Variants in AKAP13 observed in about 807,000 individuals in gnomAD.
The protein encoded by AKAP13 is A-kinase anchor protein 13.
Under a neutral mutation model 264.5 loss-of-function variants are expected in AKAP13, and 80 were observed. The observed-to-expected ratio is 0.30, with a 90% CI of 0.25 to 0.36. The LOEUF is 0.36. Among genes scored for constraint, AKAP13 ranks in the 10% least tolerant of loss-of-function variants. The pLI is 1.00. For synonymous variants in AKAP13, 1,380 were observed against 1,250.2 expected, an observed-to-expected ratio of 1.10 and a Z score of -2.19; for missense variants, 3,712 against 3,435.2, an observed-to-expected ratio of 1.08 and a Z score of -2.01.
intron 3 of AKAP13, among the ~76,000 whole-genome samples, chr15:85,527,193 G>C (rs1228176641): frequency 6.6e-6 from 1 of 152,244 alleles, no homozygotes; most frequent in Non-Finnish European, 1.5e-5. Flanking sequence ...TTGATCTCCT[G>C]ACCTCGTGAT....
At chr15:85,421,176 G>T (rs979655306) in intron 1 of AKAP13, among the ~76,000 whole-genome samples, 1 of 152,210 alleles carries the variant, frequency 6.6e-6, no homozygotes, top group Non-Finnish European at 1.5e-5. Flanking sequence ...TGTCAAAACA[G>T]TCCAAGGCAC....
intron 12 of AKAP13, among the ~76,000 whole-genome samples, chr15:85,664,291 G>T (rs2083484906): frequency 6.6e-6 from 1 of 152,104 alleles, no homozygotes; most frequent in African/African-American, 2.4e-5. Flanking sequence ...ATAGTGTGTA[G>T]AAAAAAATCT....
In AKAP13 at chr15:85,696,713, T is replaced by A. The variant is rs2085583798; in HGVS notation, c.5464+3262T>A. On this transcript the variant is annotated intron_variant, in intron 17 of 36. Transcript: ENST00000394518. Reference sequence around the variant, plus strand: ...AATATAAAATGCTAAATAAAATCTATTTTTTAAAAAATTAATACATAGCTG... The same window carrying A: ...AATATAAAATGCTAAATAAAATCTAATTTTTAAAAAATTAATACATAGCTG... 3.9e-5 allele frequency among the ~76,000 whole-genome samples: 6 copies of A among 152,316 alleles called. No homozygotes were observed. The South Asian group carries it at 1.2e-3, about 32-fold the overall frequency.
rs755368076 is a variant in AKAP13 at position 85,568,223 on chromosome 15, C to T, written c.663-6908C>T. On this transcript the variant is annotated intron_variant, in intron 5 of 36. Transcript: ENST00000394518. ...GCTGAAGTGGGAGGATCACTGGAGC[C>T]CCGGAGGTTGAGGCTGCAGTGAGCT... 3.3e-5 allele frequency among the ~76,000 whole-genome samples: 5 copies of T among 151,684 alleles called. No homozygotes were observed. The South Asian group carries it at 1.0e-3, about 31-fold the overall frequency.
chr15:85,446,129 G>C (rs1348635193), intron 1 of AKAP13, among the ~76,000 whole-genome samples: 1 of 152,176 alleles, frequency 6.6e-6, no homozygotes, highest in Non-Finnish European at 1.5e-5. Flanking sequence ...AGGGAGTTTG[G>C]CTTTAATGTG....
intron 16 of AKAP13, among the ~76,000 whole-genome samples, chr15:85,689,241 T>TA (rs1415830905): frequency 6.6e-6 from 1 of 152,182 alleles, no homozygotes; most frequent in Non-Finnish European, 1.5e-5. Context: ...GTGGTCTGTA[T>TA]AAAAAAGAGC....
At chr15:85,619,152 G>A (rs1405991013) in intron 8 of AKAP13, among the ~76,000 whole-genome samples, 1 of 151,994 alleles carries the variant, frequency 6.6e-6, no homozygotes, top group East Asian at 1.9e-4. Flanking sequence ...TCATAGGGGT[G>A]GGAGGAGGAG....
intron 1 of AKAP13, among the ~76,000 whole-genome samples, chr15:85,445,000 C>G (rs1446994303): frequency 6.6e-6 from 1 of 152,140 alleles, no homozygotes; most frequent in African/African-American, 2.4e-5. Flanking sequence ...TTACTGTATT[C>G]TCTTAAAGTA....
chr15:85,610,594 A>G (rs112841734), intron 8 of AKAP13, among the ~76,000 whole-genome samples: 1 of 152,240 alleles, frequency 6.6e-6, no homozygotes, highest in East Asian at 1.9e-4. Flanking sequence ...GTAATCTTAT[A>G]GCAACCATTA....
At chr15:85,428,749 C>A (rs992268791) in intron 1 of AKAP13, among the ~76,000 whole-genome samples, 1 of 152,176 alleles carries the variant, frequency 6.6e-6, no homozygotes, top group African/African-American at 2.4e-5. Flanking sequence ...GTCGGTAGTG[C>A]TGTGGGTTGT....
chr15:85,746,376 G>A lies in AKAP13; in HGVS notation c.*1699G>A, dbSNP rs1400993414. ...CTAAACTATCCAGTCAATACCGAGT[G>A]AAGTGGCAGCCAGCACTGTTCACTC... is the stretch of plus-strand genomic sequence containing the variant. On this transcript the variant is annotated 3_prime_UTR_variant, in exon 37 of 37. Transcript: ENST00000394518. 2 of 152,104 alleles carry A rather than the reference G, an allele frequency of 1.3e-5. No homozygotes were observed. The highest frequency in any genetic ancestry group is 2.9e-5 in the Non-Finnish European group (2 of 68,020). The allele number at this position is 152,104 out of a possible 1,614,324, so 9.4% of individuals were successfully genotyped here. A position where few individuals can be genotyped will look rare whatever the true frequency, so the allele number is the denominator to read the frequency against.
chr15:85,559,787 T>G (rs2151258329), intron 5 of AKAP13, among the ~76,000 whole-genome samples: 1 of 132,886 alleles, frequency 7.5e-6, no homozygotes, highest in African/African-American at 2.9e-5. Flanking sequence ...CTCTCTAGCC[T>G]GCACTTACTT....
In AKAP13 at chr15:85,485,713, C is replaced by A; in HGVS notation, c.-8C>A. On this transcript the variant is annotated 5_prime_UTR_variant, in exon 2 of 37. Coordinates refer to ENST00000394518, the MANE Select transcript of AKAP13 (RefSeq NM_007200.5). ...ATTTATTCCATTTCTGTTTCAGTGTCCTGGGTCATGAAACTTAATCCACAG... is the reference window on the plus strand; with the variant it reads ...ATTTATTCCATTTCTGTTTCAGTGTACTGGGTCATGAAACTTAATCCACAG... The A allele has an allele frequency of 6.2e-7, 1 of 1,613,162 alleles. No homozygotes were observed. The highest frequency in any genetic ancestry group is 8.5e-7 in the Non-Finnish European group (1 of 1,179,292).
intron 10 of AKAP13, among the ~76,000 whole-genome samples, chr15:85,650,185 T>G (rs1389823258): frequency 6.6e-6 from 1 of 152,068 alleles, no homozygotes; most frequent in African/African-American, 2.4e-5. Flanking sequence ...ATCCCAACAC[T>G]TCGGGAGGCT....
At chr15:85,710,536 G>T in intron 18 of AKAP13, 43 bp from the exon 19 acceptor site, 2 of 1,601,114 alleles carry the variant, frequency 1.2e-6, no homozygotes, top group South Asian at 2.2e-5. Flanking sequence ...CTCAGGGCTT[G>T]TCAGAGGTGA....
At chr15:85,385,472 C>T (rs550885243) in intron 1 of AKAP13, among the ~76,000 whole-genome samples, 2 of 152,060 alleles carry the variant, frequency 1.3e-5, no homozygotes, top group East Asian at 3.9e-4. Flanking sequence ...TTCATATATC[C>T]ACTGCTGCAA....
chr15:85,397,841 C>A (rs1376353176), intron 1 of AKAP13, among the ~76,000 whole-genome samples: 1 of 152,136 alleles, frequency 6.6e-6, no homozygotes, highest in East Asian at 1.9e-4. Context: ...GATTTTGTTT[C>A]TTGATTGATA....
At chr15:85,678,967 C>T (rs2084418852) in intron 14 of AKAP13, among the ~76,000 whole-genome samples, 1 of 151,946 alleles carries the variant, frequency 6.6e-6, no homozygotes, top group Non-Finnish European at 1.5e-5. Flanking sequence ...CAGTCAGGCA[C>T]AGTGGCTCAT....
chr15:85,705,995 C>T (rs1023597158), intron 17 of AKAP13, among the ~76,000 whole-genome samples: 47 of 152,316 alleles, frequency 3.1e-4, no homozygotes, highest in African/African-American at 1.1e-3. Context: ...GGATTCAGCA[C>T]GCTGAAAAAC....
Sources: allele counts gnomAD v4.1 joint callset (sites outside exome capture counted in the v4.1 genomes callset), GRCh38; gene constraint gnomAD v4.1.1; transcripts MANE v1.5; gene names NCBI Gene and HGNC (gene_info 2026-07-23, HGNC 2026-07-21).